The following EIF4E variants were observed in gnomAD, a reference collection of about 807,000 sequenced individuals.
EIF4E encodes the protein eukaryotic translation initiation factor 4E.
For missense variants in EIF4E, 113 were observed against 265.6 expected, an observed-to-expected ratio of 0.43 and a Z score of 3.99; for synonymous variants, 71 against 88.5, an observed-to-expected ratio of 0.80 and a Z score of 1.11.
At chr4:98,881,571 T>TA (rs1213695170) in intron 6 of EIF4E, among the ~76,000 whole-genome samples, 2 of 127,854 alleles carry the variant, frequency 1.6e-5, no homozygotes, top group Non-Finnish European at 3.3e-5. Flanking sequence ...CAGAAATCTG[T>TA]AAAACAAACA....
chr4:98,914,266 G>A (rs1198847989), intron 1 of EIF4E, among the ~76,000 whole-genome samples: 1 of 137,120 alleles, frequency 7.3e-6, no homozygotes, highest in African/African-American at 2.7e-5. Context: ...TGAGGCAGGA[G>A]AATCACTTGA....
chr4:98,882,139 T>C (rs1723718441), intron 6 of EIF4E, among the ~76,000 whole-genome samples: 1 of 151,938 alleles, frequency 6.6e-6, no homozygotes, highest in Non-Finnish European at 1.5e-5. Context: ...ACGCCTGTAA[T>C]CCCAGCACTT....
Position 98,891,091 on chromosome 4 carries a change from A to G in EIF4E, c.221+146T>C. ...GTAAAACTAATAAAGCATAATCACC[A>G]ATTCAAACTTTTGTGAGGAGATAAA... On this transcript the variant is annotated intron_variant, in intron 3 of 6. Transcript: ENST00000450253. 3 of 828,630 alleles carry G rather than the reference A, an allele frequency of 3.6e-6. No individual in the cohort carries two copies. In the South Asian group the frequency reaches 4.9e-5, roughly 14 times the overall value. 51.3% of individuals were successfully genotyped at this position (828,630 alleles called of 1,614,324 possible).
At chr4:98,916,500 C>T (rs1476896207) in intron 1 of EIF4E, among the ~76,000 whole-genome samples, 1 of 151,806 alleles carries the variant, frequency 6.6e-6, no homozygotes, top group Non-Finnish European at 1.5e-5. Flanking sequence ...CATGAGTGGC[C>T]ATATTAAAAA....
intron 2 of EIF4E, among the ~76,000 whole-genome samples, chr4:98,893,123 T>G (rs1490003119): frequency 6.6e-6 from 1 of 152,160 alleles, no homozygotes; most frequent in Non-Finnish European, 1.5e-5. Flanking sequence ...GTAGTCTACA[T>G]TATGTCTGAA....
At chr4:98,914,694 C>A (rs1725304222) in intron 1 of EIF4E, among the ~76,000 whole-genome samples, 1 of 152,064 alleles carries the variant, frequency 6.6e-6, no homozygotes, top group African/African-American at 2.4e-5. Flanking sequence ...GATATTATAA[C>A]CGCAGATACA....
chr4:98,923,163 G>T (rs750701640), intron 1 of EIF4E, among the ~76,000 whole-genome samples: 1 of 147,846 alleles, frequency 6.8e-6, no homozygotes, highest in African/African-American at 2.5e-5. Context: ...TTTTCCTACT[G>T]TTTCTATGGA....
chr4:98,881,197 A>G, intron 6 of EIF4E, 55 bp from the exon 7 acceptor site: 1 of 1,581,242 alleles, frequency 6.3e-7, no homozygotes, highest in Non-Finnish European at 8.6e-7. Context: ...TTTACTCACA[A>G]GAAATACATT....
chr4:98,917,421 C>A (rs1725435711), intron 1 of EIF4E, among the ~76,000 whole-genome samples: 1 of 151,994 alleles, frequency 6.6e-6, no homozygotes, highest in Non-Finnish European at 1.5e-5. Context: ...CATGATCATG[C>A]CCACTGGTTT....
chr4:98,912,188 A>G (rs1214943756), intron 1 of EIF4E, among the ~76,000 whole-genome samples: 2 of 150,926 alleles, frequency 1.3e-5, no homozygotes, highest in Non-Finnish European at 3.0e-5. Flanking sequence ...GGAGAGGGAA[A>G]CTGCAGTGAG....
At position 98,901,316 on chromosome 4, in the gene EIF4E, G is replaced by C. The variant is rs754367535; in HGVS notation, c.125+560C>G. Among the ~76,000 whole-genome samples, 13 of 151,772 alleles carry C rather than the reference G, an allele frequency of 8.6e-5. 1 individual carries two copies. The South Asian group carries it at 1.5e-3, about 17-fold the overall frequency. On this transcript the variant is annotated intron_variant, in intron 2 of 6. Transcript: ENST00000450253. The stretch of plus-strand genomic sequence containing the variant: ...GGGTTCAAGCAATTATCTCACCTCA[G>C]CCTCCCGAGCAGCTGGGATTACAGG...
chr4:98,902,840 AAAAACAAAC>A (rs1445154778), intron 1 of EIF4E, among the ~76,000 whole-genome samples: 4 of 151,924 alleles, frequency 2.6e-5, no homozygotes, highest in African/African-American at 4.9e-5. Context: ...ACCCTGTCTC[AAAAACAAAC>A]AAAACAAAAC....
chr4:98,891,083 T>C (rs1393281917), intron 3 of EIF4E, among the ~76,000 whole-genome samples, 154 bp downstream of exon 3: 1 of 152,186 alleles, frequency 6.6e-6, no homozygotes, highest in African/African-American at 2.4e-5. Flanking sequence ...TAATAAAGCA[T>C]AATCACCAAT....
chr4:98,911,661 C>CAAAAA (rs767631331), intron 1 of EIF4E, among the ~76,000 whole-genome samples: 241 of 60,006 alleles, frequency 4.0e-3, no homozygotes, highest in East Asian at 6.7e-3. Flanking sequence ...AACTCTGTCT[C>CAAAAA]AAAAAAAAAA....
intron 1 of EIF4E, among the ~76,000 whole-genome samples, chr4:98,915,631 C>T (rs1454504516): frequency 1.3e-5 from 2 of 151,476 alleles, no homozygotes; most frequent in African/African-American, 2.4e-5. Context: ...ACCTCCACTT[C>T]CCAGGTTCAA....
chr4:98,882,018 C>T (rs1346613371), intron 6 of EIF4E, among the ~76,000 whole-genome samples: 1 of 152,100 alleles, frequency 6.6e-6, no homozygotes, highest in Non-Finnish European at 1.5e-5. Flanking sequence ...GTGGCTATGG[C>T]TTGTAAGTAA....
At chr4:98,929,070 G>C (rs768153943) in intron 1 of EIF4E, 25 bp downstream of exon 1, 342 of 1,579,894 alleles carry the variant, frequency 2.2e-4, no homozygotes, top group Non-Finnish European at 2.8e-4. Flanking sequence ...GACCCGTGGG[G>C]GTGGGGGCCA....
intron 2 of EIF4E, among the ~76,000 whole-genome samples, chr4:98,894,082 G>A (rs963577504): frequency 6.6e-6 from 1 of 152,198 alleles, no homozygotes; most frequent in Non-Finnish European, 1.5e-5. Context: ...TTTTTTCTGG[G>A]CAGTAGGTTT....
At chr4:98,892,797 C>T (rs1005826917) in intron 2 of EIF4E, among the ~76,000 whole-genome samples, 2 of 151,982 alleles carry the variant, frequency 1.3e-5, no homozygotes, top group Non-Finnish European at 2.9e-5. Flanking sequence ...AAATGTGATT[C>T]TATATTTAAT....
Sources: allele counts gnomAD v4.1 joint callset (sites outside exome capture counted in the v4.1 genomes callset), GRCh38; gene constraint gnomAD v4.1.1; transcripts MANE v1.5; gene names NCBI Gene and HGNC (gene_info 2026-07-23, HGNC 2026-07-21).